PRKN: variants seen among roughly 807,000 people sequenced by gnomAD.
PRKN encodes E3 ubiquitin-protein ligase parkin.
In PRKN, 56 loss-of-function variants were observed where a neutral mutation model predicts 59.5. The observed-to-expected ratio is 0.94, with a 90% CI of 0.76 to 1.18. The LOEUF is 1.18. Ranked by LOEUF, PRKN falls within the 50% of genes most tolerant of loss-of-function variation. The pLI, the probability that PRKN is intolerant of heterozygous loss-of-function variation, is 0.00. For synonymous variants in PRKN, 250 were observed against 222.1 expected, an observed-to-expected ratio of 1.13 and a Z score of -1.12; for missense variants, 657 against 596.4, an observed-to-expected ratio of 1.10 and a Z score of -1.06.
At chr6:162,631,772 T>C (rs1284688419) in intron 1 of PRKN, among the ~76,000 whole-genome samples, 3 of 152,112 alleles carry the variant, frequency 2.0e-5, no homozygotes, top group African/African-American at 4.8e-5. Context: ...CCAGAGCCAA[T>C]GTTGACTAGA....
rs554433335 is a variant in PRKN at position 161,376,651 on chromosome 6, C to T, written c.1167+10143G>A. Among the ~76,000 whole-genome samples the T allele has an allele frequency of 2.6e-5, 4 of 152,128 alleles. No homozygotes were observed. The highest frequency in any genetic ancestry group is 6.5e-5 in the Admixed American group (1 of 15,268). The stretch of plus-strand genomic sequence containing the variant: ...CTGAGGTCACACCGTCACATCACGG[C>T]GATAGGGCAGCTCACGCCCAGTGGT... On this transcript the variant is annotated intron_variant, in intron 10 of 11. Transcript: ENST00000366898. The surrounding 1 kb of genome is among the most constrained non-coding windows in gnomAD (Gnocchi z 7.3).
At chr6:162,089,070 T>C (rs1779368303) in intron 4 of PRKN, among the ~76,000 whole-genome samples, 1 of 152,120 alleles carries the variant, frequency 6.6e-6, no homozygotes, top group African/African-American at 2.4e-5. Context: ...GAACTACAAC[T>C]TTTGTTCTTC....
At position 161,447,562 on chromosome 6, in the gene PRKN, C is replaced by T. The variant is rs1427424440; in HGVS notation, c.1084-60685G>A. 6.6e-6 allele frequency among the ~76,000 whole-genome samples: 1 copy of T among 152,090 alleles called. No homozygotes were observed. Among genetic ancestry groups the T allele is most frequent in the African/African-American group, 2.4e-5 (1 of 41,418 alleles). On this transcript the variant is annotated intron_variant, in intron 9 of 11. Transcript: ENST00000366898. The surrounding 1 kb of genome is among the most constrained non-coding windows in gnomAD (Gnocchi z 4.1). Reference sequence around the variant, plus strand: ...AGGCTGGAGTGCAGTGGAGTGATCTCAGCTCACTGCAACCTCCGCCTCCCG... The same window carrying T: ...AGGCTGGAGTGCAGTGGAGTGATCTTAGCTCACTGCAACCTCCGCCTCCCG...
chr6:161,703,819 ATC>A (rs1281347014), intron 7 of PRKN, among the ~76,000 whole-genome samples: 184 of 136,298 alleles, frequency 1.3e-3, no homozygotes, highest in African/African-American at 4.0e-3. Context: ...GAGGACACAC[ATC>A]TCTCTCTCTC....
At chr6:162,719,074 A>G (rs373928945) in intron 1 of PRKN, among the ~76,000 whole-genome samples, 2 of 152,200 alleles carry the variant, frequency 1.3e-5, no homozygotes, top group East Asian at 1.9e-4. Context: ...AATGAACAAG[A>G]GTGGAAAGCC....
intron 2 of PRKN, among the ~76,000 whole-genome samples, chr6:162,321,092 T>C (rs952155847): frequency 4.0e-5 from 6 of 151,890 alleles, no homozygotes; most frequent in Admixed American, 1.3e-4. Context: ...ACAACTTTGT[T>C]CTTTTTGTTG....
At chr6:162,569,715 T>C in intron 1 of PRKN, 1 of 578,008 alleles carries the variant, frequency 1.7e-6, no homozygotes, top group Non-Finnish European at 3.2e-6. Flanking sequence ...TCCTCTGATG[T>C]CCTTCCTAAG....
At position 161,526,072 on chromosome 6, in the gene PRKN, A is replaced by G. The variant is rs1779005399; in HGVS notation, c.1083+22782T>C. 6.6e-6 allele frequency among the ~76,000 whole-genome samples: 1 copy of G among 152,200 alleles called. No homozygotes were observed. Among genetic ancestry groups the G allele is most frequent in the African/African-American group, 2.4e-5 (1 of 41,464 alleles). On this transcript the variant is annotated intron_variant, in intron 9 of 11. Coordinates refer to ENST00000366898, the MANE Select transcript of PRKN (RefSeq NM_004562.3). The surrounding 1 kb of genome is among the most constrained non-coding windows in gnomAD (Gnocchi z 4.1). ...AAGACCACTGCTTGAATACAATTAAATGATCACTCACATATAATAGTGGGC... is the reference window on the plus strand; with the variant it reads ...AAGACCACTGCTTGAATACAATTAAGTGATCACTCACATATAATAGTGGGC...
At position 161,552,325 on chromosome 6, in the gene PRKN, T is replaced by TC. The variant is rs369152825; in HGVS notation, c.934-3323dup. Among the ~76,000 whole-genome samples, 836 of 147,770 alleles carry TC rather than the reference T, an allele frequency of 5.7e-3. 32 individuals are homozygous for TC. The highest frequency in any genetic ancestry group is 0.019 in the African/African-American group (757 of 38,950). On this transcript the variant is annotated intron_variant, in intron 8 of 11. Coordinates refer to ENST00000366898, the MANE Select transcript of PRKN (RefSeq NM_004562.3). The surrounding 1 kb of genome is among the most constrained non-coding windows in gnomAD (Gnocchi z 4.9). ...CCCCTCTCCCTCAGCTCTGTTCACC[T>TC]CCGCCTATGACTGTGAATGATCTCA...
chr6:162,232,217 T>TATTTTCTG (rs1448054487), intron 3 of PRKN, among the ~76,000 whole-genome samples: 2 of 152,142 alleles, frequency 1.3e-5, no homozygotes, highest in African/African-American at 4.8e-5. Flanking sequence ...TCCTGACTCC[T>TATTTTCTG]ATTTTCTGAG....
In PRKN at chr6:161,877,264, T is replaced by C. The variant is rs1039772510; in HGVS notation, c.735-91356A>G. 7.2e-5 allele frequency among the ~76,000 whole-genome samples: 11 copies of C among 152,154 alleles called. No individual in the cohort carries two copies. In the South Asian group the frequency reaches 2.3e-3, roughly 32 times the overall value. On this transcript the variant is annotated intron_variant, in intron 6 of 11. Coordinates refer to ENST00000366898, the MANE Select transcript of PRKN (RefSeq NM_004562.3). ...AGCCACGGCGGCCCCATTCCTCCTG[T>C]CTGGACCCTGCTAGGTGAGGACAGC...
At chr6:162,651,100 G>A (rs1583983886) in intron 1 of PRKN, among the ~76,000 whole-genome samples, 1 of 152,242 alleles carries the variant, frequency 6.6e-6, no homozygotes, top group East Asian at 1.9e-4. Context: ...TTAGTCAACT[G>A]AGAGCAACCA....
At chr6:162,660,007 C>T (rs1245275781) in intron 1 of PRKN, among the ~76,000 whole-genome samples, 1 of 152,116 alleles carries the variant, frequency 6.6e-6, no homozygotes, top group East Asian at 1.9e-4. Flanking sequence ...ACAAAATACA[C>T]TCTATTTTAT....
In PRKN at chr6:161,551,714, T is replaced by C. The variant is rs1247746137; in HGVS notation, c.934-2711A>G. Among the ~76,000 whole-genome samples, 2 of 152,208 alleles carry C rather than the reference T, an allele frequency of 1.3e-5. No individual in the cohort carries two copies. The highest frequency in any genetic ancestry group is 3.9e-4 in the East Asian group (2 of 5,178). On this transcript the variant is annotated intron_variant, in intron 8 of 11. Coordinates refer to ENST00000366898, the MANE Select transcript of PRKN (RefSeq NM_004562.3). This position sits in a 1 kb window ranked among gnomAD's most constrained non-coding sequence, Gnocchi z 5.2. ...GAATAGACACTTTTTTAAAGGAGTT[T>C]GCCAGTAAAAGGGAGCAGAGATCGG...
At chr6:161,663,214 A>T (rs1338800918) in intron 7 of PRKN, among the ~76,000 whole-genome samples, 1 of 152,142 alleles carries the variant, frequency 6.6e-6, no homozygotes, top group African/African-American at 2.4e-5. Flanking sequence ...AATCTCAGGT[A>T]TGTCTTTATT....
chr6:161,946,414 A>ACACACACACACTCTCTCT (rs1247187053), intron 6 of PRKN, among the ~76,000 whole-genome samples: 4 of 114,444 alleles, frequency 3.5e-5, no homozygotes, highest in Non-Finnish European at 6.9e-5. Flanking sequence ...ACACACACAC[A>ACACACACACACTCTCTCT]CTCTCTCTCT....
intron 7 of PRKN, among the ~76,000 whole-genome samples, chr6:161,603,283 G>C (rs1782169583): frequency 6.6e-6 from 1 of 152,148 alleles, no homozygotes; most frequent in African/African-American, 2.4e-5. Context: ...CCTATGATCG[G>C]CTAATTTAAA....
At chr6:162,042,968 CA>C (rs1371486253) in intron 5 of PRKN, among the ~76,000 whole-genome samples, 5 of 152,182 alleles carry the variant, frequency 3.3e-5, no homozygotes, top group East Asian at 1.9e-4. Context: ...AAGACATACC[CA>C]AAAACAGGAA....
At chr6:162,171,217 C>A (rs77842838) in intron 4 of PRKN, among the ~76,000 whole-genome samples, 3 of 151,738 alleles carry the variant, frequency 2.0e-5, no homozygotes, top group Non-Finnish European at 4.4e-5. Flanking sequence ...CAGAAAAAAA[C>A]GTAGGGTCAT....
Sources: gnomAD v4.1 joint callset for allele counts (sites outside exome capture counted in the v4.1 genomes callset) on GRCh38, gnomAD v4.1.1 for gene constraint, Gnocchi (gnomAD v3.1) non-coding constraint, MANE v1.5 for transcripts, NCBI Gene and HGNC (gene_info 2026-07-23, HGNC 2026-07-21) for gene names.